The following PLD1 variants were observed in gnomAD, a reference collection of about 807,000 sequenced individuals.
PLD1 encodes choline phosphatase 1.
PLD1 carries 112 observed loss-of-function variants against 137.1 expected under a neutral mutation model. The ratio of observed to expected loss-of-function variants is 0.82; its 90% CI spans 0.70 to 0.96. The LOEUF (loss-of-function observed/expected upper bound fraction) is 0.96, where lower values mean the gene tolerates loss of function less well. Among genes scored for constraint, PLD1 ranks in the 40% least tolerant of loss-of-function variants. PLD1 has a pLI of 0.00. For synonymous variants in PLD1, 431 were observed against 454.7 expected (o/e 0.95, Z 0.66); for missense variants, 1,321 against 1,342.0 (o/e 0.98, Z 0.24).
chr3:171,770,779 T>C (rs1249804807), intron 1 of PLD1, among the ~76,000 whole-genome samples: 2 of 150,758 alleles, frequency 1.3e-5, no homozygotes, highest in Non-Finnish European at 3.0e-5. Flanking sequence ...ATCCCAGCTA[T>C]TCAGGAGGTT....
chr3:171,709,573 C>T lies in PLD1; in HGVS notation c.1048G>A (p.Ala350Thr). The T allele has an allele frequency of 6.2e-7, 1 of 1,613,780 alleles. No homozygotes were observed. Residue 350 changes from alanine (A) to threonine (T), a missense_variant, in exon 10 of 27, where the codon GCT becomes ACT. Physicochemically the swap from Ala to Thr is moderately conservative, Grantham distance 58. Coordinates refer to ENST00000351298, the MANE Select transcript of PLD1 (RefSeq NM_002662.5). ...FGSYAAIQEN[A>T]LAKWYVNAKG... ...ATAATAACTTACCATTTAGCTAAAGCATTCTCTTGGATAGCAGCATATGAC... is the reference window on the plus strand; with the variant it reads ...ATAATAACTTACCATTTAGCTAAAGTATTCTCTTGGATAGCAGCATATGAC...
chr3:171,762,967 G>A (rs1222300838), intron 1 of PLD1, among the ~76,000 whole-genome samples: 1 of 152,142 alleles, frequency 6.6e-6, no homozygotes, highest in Non-Finnish European at 1.5e-5. Flanking sequence ...ACATAGTTTT[G>A]GAGTCATTTT....
At position 171,722,575 on chromosome 3, in the gene PLD1, T is replaced by C. The variant is rs754763786; in HGVS notation, c.758+2121A>G. On this transcript the variant is annotated intron_variant, in intron 8 of 26. Coordinates refer to ENST00000351298, the MANE Select transcript of PLD1 (RefSeq NM_002662.5). ...TCTTATAAATAAGAATGATAAAACA[T>C]GTGCCTTTTTGTATCTGGATGTTTT... Among the ~76,000 whole-genome samples the C allele has an allele frequency of 1.0e-3, 159 of 152,330 alleles. 3 individuals carry two copies. Among genetic ancestry groups the C allele is most frequent in the Non-Finnish European group, 3.4e-4 (23 of 68,008 alleles).
chr3:171,644,768 G>T, intron 22 of PLD1, 142 bp downstream of exon 22: 2 of 613,306 alleles, frequency 3.3e-6, no homozygotes, highest in South Asian at 1.9e-5. Flanking sequence ...ACTAGCAAAC[G>T]GGCCAAGATT....
intron 9 of PLD1, among the ~76,000 whole-genome samples, chr3:171,711,639 G>A (rs1717240852): frequency 6.6e-6 from 1 of 151,956 alleles, no homozygotes; most frequent in Admixed American, 6.5e-5. Flanking sequence ...GCCAGGAAGG[G>A]ACTCTCTTGC....
chr3:171,692,031 A>C (rs1186839522), intron 13 of PLD1, among the ~76,000 whole-genome samples: 1 of 152,202 alleles, frequency 6.6e-6, no homozygotes. Flanking sequence ...GGATAATGAG[A>C]AGTGTGAGAA....
chr3:171,661,912 T>A, intron 20 of PLD1, 148 bp downstream of exon 20: 1 of 535,586 alleles, frequency 1.9e-6, no homozygotes. Context: ...AAAATTCAGG[T>A]GATATGAACC....
At chr3:171,735,018 G>T in intron 4 of PLD1, 48 bp from the exon 5 acceptor site, 1 of 1,035,668 alleles carries the variant, frequency 9.7e-7, no homozygotes, top group Non-Finnish European at 1.5e-6. Context: ...ATTATTCTGT[G>T]ACTATGACTT....
chr3:171,616,187 T>C (rs780465862), intron 24 of PLD1, among the ~76,000 whole-genome samples: 1 of 152,360 alleles, frequency 6.6e-6, no homozygotes, highest in East Asian at 1.9e-4. Flanking sequence ...TATTGATTTA[T>C]AGGAGTTCTT....
rs1203454120 is a variant in PLD1 at position 171,603,186 on chromosome 3, C to A, written c.3117G>T (p.Lys1039Asn). The change falls in exon 27 of 27, where the codon AAG becomes AAT. Residue 1039 changes from lysine (K) to asparagine (N), a missense_variant. By Grantham distance (94) the Lys-to-Asn change is moderately conservative. Transcript: ENST00000351298. ...GGAATTGCACCAAAAATCCACGGAT[C>A]TTCTTCAGTTCCTCCTCAGCTCGAA... is the stretch of plus-strand genomic sequence containing the variant. ...DPIRAEEELK[K>N]IRGFLVQFPF... The A allele has an allele frequency of 1.2e-6, 2 of 1,614,094 alleles. No individual in the cohort carries two copies. The highest frequency in any genetic ancestry group is 1.7e-6 in the Non-Finnish European group (2 of 1,179,928).
intron 21 of PLD1, among the ~76,000 whole-genome samples, chr3:171,654,781 A>G (rs1356213183): frequency 6.6e-6 from 1 of 151,612 alleles, no homozygotes; most frequent in Non-Finnish European, 1.5e-5. Flanking sequence ...TACTTATTAG[A>G]GTGAAGATTT....
intron 1 of PLD1, among the ~76,000 whole-genome samples, chr3:171,785,434 G>A (rs1303476461): frequency 8.0e-6 from 1 of 124,822 alleles, no homozygotes; most frequent in African/African-American, 3.0e-5. Context: ...AGGAAATCCA[G>A]TGTCTATTTT....
intron 13 of PLD1, among the ~76,000 whole-genome samples, 179 bp from the exon 14 acceptor site, chr3:171,689,055 A>C (rs539834682): frequency 1.3e-5 from 2 of 152,256 alleles, no homozygotes; most frequent in South Asian, 4.1e-4. Flanking sequence ...AAAAGAAAAA[A>C]AAAAGACTCC....
intron 3 of PLD1, among the ~76,000 whole-genome samples, chr3:171,736,774 T>A (rs76435452): frequency 0.034 from 5,115 of 152,240 alleles, 312 homozygotes; most frequent in African/African-American, 0.12. Flanking sequence ...CATGGCTAGA[T>A]CTTAGCCTGA....
At chr3:171,660,046 A>G (rs574256516) in intron 20 of PLD1, among the ~76,000 whole-genome samples, 2 of 152,348 alleles carry the variant, frequency 1.3e-5, no homozygotes, top group East Asian at 1.9e-4. Flanking sequence ...TTTGGTGCAA[A>G]TATTACTAAT....
intron 1 of PLD1, among the ~76,000 whole-genome samples, chr3:171,757,187 T>C (rs532960908): frequency 6.6e-6 from 1 of 152,356 alleles, no homozygotes; most frequent in South Asian, 2.1e-4. Context: ...AATTCCACTG[T>C]TTTCTTCTGA....
chr3:171,735,359 C>A, intron 4 of PLD1, 133 bp downstream of exon 4: 1 of 755,864 alleles, frequency 1.3e-6, no homozygotes, highest in Admixed American at 2.2e-5. Context: ...TAGTCTCAAA[C>A]TCATGACCTC....
At chr3:171,750,411 T>C (rs762326689) in intron 1 of PLD1, among the ~76,000 whole-genome samples, 2 of 151,498 alleles carry the variant, frequency 1.3e-5, no homozygotes, top group African/African-American at 4.9e-5. Flanking sequence ...ACTTTAAAAA[T>C]CTAACAAGCA....
intron 21 of PLD1, among the ~76,000 whole-genome samples, chr3:171,651,453 C>T (rs1032918401): frequency 2.0e-5 from 3 of 151,974 alleles, no homozygotes; most frequent in African/African-American, 7.3e-5. Flanking sequence ...TTGGCAAATC[C>T]TTTAAAAGGA....
Sources: allele counts gnomAD v4.1 joint callset (sites outside exome capture counted in the v4.1 genomes callset), GRCh38; gene constraint gnomAD v4.1.1; transcripts MANE v1.5; gene names NCBI Gene and HGNC (gene_info 2026-07-23, HGNC 2026-07-21).